Variants in NUAK1 observed in about 807,000 individuals in gnomAD.
The protein encoded by NUAK1 is NUAK family SNF1-like kinase 1.
Under a neutral mutation model 56.9 loss-of-function variants are expected in NUAK1, and 26 were observed. That is an observed-to-expected ratio of 0.46 (90% confidence interval 0.33 to 0.63). NUAK1 has a LOEUF of 0.63. Ranked by LOEUF, NUAK1 falls within the 30% of genes least tolerant of loss-of-function variation. The probability of loss-of-function intolerance (pLI) is 0.02; values close to 1 mark genes in which losing one functional copy is unlikely to be tolerated. For synonymous variants in NUAK1, 337 were observed against 336.0 expected (o/e 1.00, Z -0.03); for missense variants, 727 against 876.1 (o/e 0.83, Z 2.15).
intron 3 of NUAK1, among the ~76,000 whole-genome samples, chr12:106,086,374 T>C (rs377306416): frequency 5.9e-5 from 9 of 152,146 alleles, no homozygotes; most frequent in African/African-American, 1.4e-4. Context: ...TTTTGACAAA[T>C]GTACCACAGA....
intron 2 of NUAK1, among the ~76,000 whole-genome samples, chr12:106,097,448 G>A (rs2032706384): frequency 6.6e-6 from 1 of 152,210 alleles, no homozygotes; most frequent in South Asian, 2.1e-4. Context: ...ATAAGCAAAT[G>A]AATGAATGAG....
intron 2 of NUAK1, among the ~76,000 whole-genome samples, chr12:106,087,818 G>T (rs2032589179): frequency 6.6e-6 from 1 of 152,204 alleles, no homozygotes; most frequent in Non-Finnish European, 1.5e-5. Context: ...AAGATCAAGT[G>T]CAGAACTACC....
intron 1 of NUAK1, among the ~76,000 whole-genome samples, chr12:106,136,395 G>A (rs114242332): frequency 9.7e-4 from 148 of 152,142 alleles, no homozygotes; most frequent in African/African-American, 3.4e-3. Context: ...AAATCCTGAC[G>A]GAATGTTCAG....
intron 2 of NUAK1, chr12:106,106,017 T>C (rs551089236): frequency 6.3e-6 from 1 of 158,112 alleles, no homozygotes; most frequent in Non-Finnish European, 1.4e-5. Flanking sequence ...AGTAACTCCG[T>C]ACCACCAGCA....
At chr12:106,120,731 T>C (rs796754022) in intron 1 of NUAK1, among the ~76,000 whole-genome samples, 7 of 152,298 alleles carry the variant, frequency 4.6e-5, no homozygotes, top group African/African-American at 1.4e-4. Context: ...GCTGCTGATT[T>C]ACAGGCAGCC....
chr12:106,110,007 A>G (rs1321201399), intron 1 of NUAK1, among the ~76,000 whole-genome samples: 1 of 152,158 alleles, frequency 6.6e-6, no homozygotes, highest in Non-Finnish European at 1.5e-5. Flanking sequence ...ATAGTACATA[A>G]AGGACAAGAG....
At chr12:106,121,703 C>T (rs1148430) in intron 1 of NUAK1, among the ~76,000 whole-genome samples, 86,997 of 151,642 alleles carry the variant, frequency 0.57, 25,054 homozygotes, top group African/African-American at 0.61. Context: ...TGTGCCGAGA[C>T]TGTGCCACCA....
At chr12:106,074,826 A>G (rs1039944684) in intron 4 of NUAK1, among the ~76,000 whole-genome samples, 1 of 152,194 alleles carries the variant, frequency 6.6e-6, no homozygotes, top group African/African-American at 2.4e-5. Context: ...AACCAGCCTC[A>G]GAAAATGCAT....
At chr12:106,099,942 C>T (rs1014070481) in intron 2 of NUAK1, among the ~76,000 whole-genome samples, 5 of 151,362 alleles carry the variant, frequency 3.3e-5, no homozygotes, top group Non-Finnish European at 7.4e-5. Context: ...AGGCATGCAC[C>T]ATCACGTCCA....
At chr12:106,075,118 C>T (rs1204855222) in intron 4 of NUAK1, among the ~76,000 whole-genome samples, 1 of 152,164 alleles carries the variant, frequency 6.6e-6, no homozygotes, top group Non-Finnish European at 1.5e-5. Flanking sequence ...CTCATTTGCT[C>T]TGTAGCCGTT....
chr12:106,067,300 C>G lies in NUAK1; in HGVS notation c.1488G>C (p.Val496=), dbSNP rs772269401. The part of the protein sequence containing the change: ...ESSELLDSND[V]MGSSIPSPSP... Reference sequence around the variant, plus strand: ...TGGGGGAGGGGATGCTGCTGCCCATCACATCATTACTGTCCAACAGCTCCG... The same window carrying G: ...TGGGGGAGGGGATGCTGCTGCCCATGACATCATTACTGTCCAACAGCTCCG... The change falls in exon 7 of 7, where the codon GTG becomes GTC. Residue 496 remains valine (V), a synonymous_variant. Coordinates refer to ENST00000261402, the MANE Select transcript of NUAK1 (RefSeq NM_014840.3). This position sits in a 1 kb window ranked among gnomAD's most constrained non-coding sequence, Gnocchi z 6.0. 3.1e-6 allele frequency: 5 copies of G among 1,614,176 alleles called. No individual in the cohort carries two copies. In the South Asian group the frequency reaches 3.3e-5, roughly 11 times the overall value.
chr12:106,117,215 G>C (rs190584976), intron 1 of NUAK1, among the ~76,000 whole-genome samples: 2 of 152,294 alleles, frequency 1.3e-5, no homozygotes, highest in Admixed American at 1.3e-4. Flanking sequence ...CACAACTCTA[G>C]AGCTAGCCCT....
intron 4 of NUAK1, 105 bp downstream of exon 4, chr12:106,083,759 G>T: frequency 1.1e-6 from 1 of 912,928 alleles, no homozygotes; most frequent in Non-Finnish European, 1.8e-6. Context: ...CTGCCAGGTA[G>T]GAAGTGGCTG....
chr12:106,133,869 G>A (rs533979730), intron 1 of NUAK1, among the ~76,000 whole-genome samples: 2 of 152,278 alleles, frequency 1.3e-5, no homozygotes, highest in East Asian at 3.9e-4. Flanking sequence ...CACCAGGCTG[G>A]AAGCTCCCTG....
rs1592867125 is a variant in NUAK1, at chr12:106,138,726, G to A, written c.-73C>T. The A allele has an allele frequency of 2.4e-5, 35 of 1,430,130 alleles. No individual in the cohort carries two copies. The highest frequency in any genetic ancestry group is 3.1e-5 in the Non-Finnish European group (34 of 1,099,094). The allele number at this position is 1,430,130 out of a possible 1,614,324, so 88.6% of individuals were successfully genotyped here. On this transcript the variant is annotated 5_prime_UTR_variant, in exon 1 of 7. Coordinates refer to ENST00000261402, the MANE Select transcript of NUAK1 (RefSeq NM_014840.3). The surrounding 1 kb of genome is among the most constrained non-coding windows in gnomAD (Gnocchi z 5.0). The stretch of plus-strand genomic sequence containing the variant: ...GCGCTGGGATGTCGGGGTCCCCACC[G>A]AGGGAAGCCGCTGTACGCTCAAGGT...
intron 2 of NUAK1, among the ~76,000 whole-genome samples, chr12:106,094,899 G>A (rs913180282): frequency 2.6e-5 from 4 of 152,188 alleles, no homozygotes; most frequent in Admixed American, 6.5e-5. Context: ...GGCCAGGATA[G>A]AGAGAGAAGT....
Position 106,066,776 on chromosome 12 carries a change from C to A in NUAK1, c.*26G>T. ...TGCTCCCCTTCCTCCCTCGTACCCCCGCCCGCCCCTGGGCGCCCTGGAATG... is the reference window on the plus strand; with the variant it reads ...TGCTCCCCTTCCTCCCTCGTACCCCAGCCCGCCCCTGGGCGCCCTGGAATG... On this transcript the variant is annotated 3_prime_UTR_variant, in exon 7 of 7. Coordinates refer to ENST00000261402, the MANE Select transcript of NUAK1 (RefSeq NM_014840.3). 1 of 1,573,568 alleles carries A rather than the reference C, an allele frequency of 6.4e-7. No homozygotes were observed. The highest frequency in any genetic ancestry group is 2.2e-5 in the East Asian group (1 of 44,492).
chr12:106,126,799 C>G (rs979657226), intron 1 of NUAK1, among the ~76,000 whole-genome samples: 2 of 152,168 alleles, frequency 1.3e-5, no homozygotes, highest in Non-Finnish European at 2.9e-5. Context: ...CTCCTGGGTG[C>G]TCAATGTGCC....
chr12:106,128,144 T>A (rs1167138792), intron 1 of NUAK1, among the ~76,000 whole-genome samples: 1 of 150,976 alleles, frequency 6.6e-6, no homozygotes, highest in Non-Finnish European at 1.5e-5. Context: ...CTTTTTTTTT[T>A]TTTTTGACAC....
Sources: gnomAD v4.1 joint callset for allele counts (sites outside exome capture counted in the v4.1 genomes callset) on GRCh38, gnomAD v4.1.1 for gene constraint, Gnocchi (gnomAD v3.1) non-coding constraint, MANE v1.5 for transcripts, NCBI Gene and HGNC (gene_info 2026-07-23, HGNC 2026-07-21) for gene names.